PLD1: variants seen among roughly 807,000 people sequenced by gnomAD.
The protein encoded by PLD1 is choline phosphatase 1.
A neutral mutation model predicts 137.1 loss-of-function variants in PLD1; 112 were observed. The ratio of observed to expected loss-of-function variants is 0.82; its 90% confidence interval spans 0.70 to 0.96. The LOEUF is 0.96. Among genes scored for constraint, PLD1 ranks in the 40% least tolerant of loss-of-function variants. PLD1 has a pLI of 0.00. For missense variants in PLD1, 1,321 were observed against 1,342.0 expected, an observed-to-expected ratio of 0.98 and a Z score of 0.24; for synonymous variants, 431 against 454.7, an observed-to-expected ratio of 0.95 and a Z score of 0.66.
At chr3:171,795,044 T>C (rs1275138879) in intron 1 of PLD1, among the ~76,000 whole-genome samples, 1 of 152,274 alleles carries the variant, frequency 6.6e-6, no homozygotes, top group Non-Finnish European at 1.5e-5. Context: ...CATTATATCA[T>C]TCTGATTAGG....
chr3:171,601,218 G>C lies in PLD1; in HGVS notation c.*1860C>G, dbSNP rs558694438. 6.6e-6 allele frequency: 1 copy of C among 152,280 alleles called. No homozygotes were observed. Among genetic ancestry groups the C allele is most frequent in the African/African-American group, 2.4e-5 (1 of 41,542 alleles). 9.4% of individuals were successfully genotyped at this position (152,280 alleles called of 1,614,324 possible). The stretch of plus-strand genomic sequence containing the variant: ...CTCAGTTTCCTCATCTATAAAATGG[G>C]GAGAAATTGGATTAAATTACTTATA... On this transcript the variant is annotated 3_prime_UTR_variant, in exon 27 of 27. Coordinates refer to ENST00000351298, the MANE Select transcript of PLD1 (RefSeq NM_002662.5).
chr3:171,748,670 A>C lies in PLD1; in HGVS notation c.-31-10588T>G, dbSNP rs115383585. On this transcript the variant is annotated intron_variant, in intron 1 of 26. Coordinates refer to ENST00000351298, the MANE Select transcript of PLD1 (RefSeq NM_002662.5). The stretch of plus-strand genomic sequence containing the variant: ...TTTGGCCATCTATGTAATTACTAAA[A>C]ATGTTTGTTGAGGCAGTACAGTACC... Among the ~76,000 whole-genome samples, 1,025 of 151,976 alleles carry C rather than the reference A, an allele frequency of 6.7e-3. 7 individuals carry two copies. The highest frequency in any genetic ancestry group is 0.024 in the African/African-American group (989 of 41,412).
At position 171,603,270 on chromosome 3, in the gene PLD1, G is replaced by A. The variant is rs998640487; in HGVS notation, c.3033C>T (p.His1011=). Residue 1011 remains histidine, a synonymous_variant, in exon 27 of 27, where the codon CAC becomes CAT. Coordinates refer to ENST00000351298, the MANE Select transcript of PLD1 (RefSeq NM_002662.5). The part of the protein sequence containing the change: ...VFRCLPNDEV[H]NLIQLRDFIN... ...TAAAGTCTCTCAGCTGAATTAAATT[G>A]TGTACTTCATCATTGGGAAGGCACC... 10 of 1,613,918 alleles carry A rather than the reference G, an allele frequency of 6.2e-6. No individual in the cohort carries two copies. Among genetic ancestry groups the A allele is most frequent in the Non-Finnish European group, 8.5e-6 (10 of 1,179,906 alleles).
chr3:171,690,480 T>C (rs1209672707), intron 13 of PLD1, among the ~76,000 whole-genome samples: 2 of 152,172 alleles, frequency 1.3e-5, no homozygotes, highest in African/African-American at 4.8e-5. Flanking sequence ...TTCTTGCAAG[T>C]ATAGCTGTAA....
chr3:171,734,923 G>A lies in PLD1; in HGVS notation c.482C>T (p.Pro161Leu). 6.2e-7 allele frequency: 1 copy of A among 1,613,422 alleles called. No individual in the cohort carries two copies. Among genetic ancestry groups the A allele is most frequent in the Non-Finnish European group, 8.5e-7 (1 of 1,179,482 alleles). Residue 161 changes from proline to leucine, a missense_variant, in exon 5 of 27, where the codon CCC (proline) becomes CTC (leucine). Pro to Leu is a moderately conservative substitution (Grantham distance 98). Coordinates refer to ENST00000351298, the MANE Select transcript of PLD1 (RefSeq NM_002662.5). ...GTTTTCAGATGAACGGGGCAAACTG[G>A]GCATCTCTCGAGGCTCCTCTCTGAC... is the stretch of plus-strand genomic sequence containing the variant. The part of the protein sequence containing the change: ...QNVREEPREM[P>L]SLPRSSENMI...
chr3:171,743,420 C>A (rs2108275212), intron 1 of PLD1, among the ~76,000 whole-genome samples: 1 of 152,278 alleles, frequency 6.6e-6, no homozygotes, highest in East Asian at 1.9e-4. Context: ...TAAGAGAAAC[C>A]AGTAAGCCTT....
intron 1 of PLD1, among the ~76,000 whole-genome samples, chr3:171,804,712 T>A (rs763134590): frequency 2.8e-4 from 43 of 152,246 alleles, no homozygotes; most frequent in Non-Finnish European, 4.6e-4. Context: ...AGTTCCCTTG[T>A]ATCTTATTGT....
At chr3:171,688,353 G>GT (rs1714785394) in intron 14 of PLD1, among the ~76,000 whole-genome samples, 1 of 152,090 alleles carries the variant, frequency 6.6e-6, no homozygotes, top group South Asian at 2.1e-4. Context: ...ACATATTTTT[G>GT]TTTATGAATC....
chr3:171,793,021 C>A, intron 1 of PLD1: 1 of 268,064 alleles, frequency 3.7e-6, no homozygotes, highest in Non-Finnish European at 7.3e-6. Flanking sequence ...TCCTACGGAT[C>A]CACGTGGGAA....
chr3:171,798,078 A>G (rs758437980), intron 1 of PLD1, among the ~76,000 whole-genome samples: 2 of 152,256 alleles, frequency 1.3e-5, no homozygotes, highest in Non-Finnish European at 2.9e-5. Context: ...CACTGAATCC[A>G]GGTAACACCG....
In PLD1 at chr3:171,687,399, A is replaced by G; in HGVS notation, c.1725T>C (p.Asp575=). The change falls in exon 15 of 27, where the codon GAT becomes GAC. Residue 575 remains aspartate (D), a synonymous_variant. Transcript: ENST00000351298. ...QLHRHHLHDA[D]SISSIDSTSS... is the part of the protein sequence containing the mutation. ...AGGTGCTGTCAATGCTGCTGATGCT[A>G]TCTGCGTCGTGCAGGTGGTGCCTGT... 1 of 1,614,178 alleles carries G rather than the reference A, an allele frequency of 6.2e-7. No individual in the cohort carries two copies.
In PLD1 at chr3:171,686,745, G is replaced by C; in HGVS notation, c.1807C>G (p.His603Asp). The change falls in exon 16 of 27, where the codon CAC (histidine) becomes GAC (aspartate). Residue 603 changes from histidine (H) to aspartate (D), a missense_variant. His to Asp is a moderately conservative substitution (Grantham distance 81). Coordinates refer to ENST00000351298, the MANE Select transcript of PLD1 (RefSeq NM_002662.5). ...CTGGACGGGTGAAAGAGTTTGAAGT[G>C]GGGTTTTAAACCATGGATTAAATTG... The part of the protein sequence containing the change: ...HHNLIHGLKP[H>D]FKLFHPSSES... 6.2e-7 allele frequency: 1 copy of C among 1,609,116 alleles called. No individual in the cohort carries two copies. Among genetic ancestry groups the C allele is most frequent in the Non-Finnish European group, 8.5e-7 (1 of 1,175,554 alleles).
chr3:171,673,415 AG>A (rs1386624770), intron 19 of PLD1, among the ~76,000 whole-genome samples: 1 of 151,582 alleles, frequency 6.6e-6, no homozygotes, highest in Admixed American at 6.6e-5. Context: ...CCGAGTAGCT[AG>A]GATTACAGGC....
At chr3:171,730,026 G>A (rs1319146805) in intron 6 of PLD1, among the ~76,000 whole-genome samples, 1 of 152,148 alleles carries the variant, frequency 6.6e-6, no homozygotes, top group African/African-American at 2.4e-5. Flanking sequence ...CTTGGAAATT[G>A]TACAATTTGT....
At chr3:171,616,875 A>G (rs1398341560) in intron 24 of PLD1, among the ~76,000 whole-genome samples, 4 of 152,156 alleles carry the variant, frequency 2.6e-5, no homozygotes, top group Non-Finnish European at 5.9e-5. Flanking sequence ...CAGTAATGGG[A>G]AACGAACGCA....
At chr3:171,693,147 G>C (rs1328102596) in intron 12 of PLD1, among the ~76,000 whole-genome samples, 1 of 152,162 alleles carries the variant, frequency 6.6e-6, no homozygotes, top group Non-Finnish European at 1.5e-5. Flanking sequence ...CCTTGTAGAT[G>C]CTAACATGCT....
intron 1 of PLD1, among the ~76,000 whole-genome samples, chr3:171,805,368 G>A (rs150315152): frequency 2.0e-3 from 311 of 152,274 alleles, no homozygotes; most frequent in African/African-American, 7.1e-3. Flanking sequence ...TGACCCAGTC[G>A]GCCATAATGT....
chr3:171,674,304 A>G (rs1328966439), intron 19 of PLD1, among the ~76,000 whole-genome samples, 196 bp downstream of exon 19: 2 of 152,248 alleles, frequency 1.3e-5, no homozygotes, highest in Non-Finnish European at 2.9e-5. Flanking sequence ...TTATATTTAT[A>G]AGAGTTTTAA....
chr3:171,639,840 C>A (rs1560170797), intron 23 of PLD1, among the ~76,000 whole-genome samples: 1 of 119,638 alleles, frequency 8.4e-6, no homozygotes, highest in African/African-American at 3.6e-5. Context: ...CTCTCTCTCT[C>A]TCTCTCTCTA....
Sources: allele counts gnomAD v4.1 joint callset (sites outside exome capture counted in the v4.1 genomes callset), GRCh38; gene constraint gnomAD v4.1.1; transcripts MANE v1.5; gene names NCBI Gene and HGNC (gene_info 2026-07-23, HGNC 2026-07-21).